DCAF6: variants seen among roughly 807,000 people sequenced by gnomAD.
DCAF6 encodes DDB1 and CUL4 associated factor 6.
DCAF6 carries 54 observed loss-of-function variants against 125.1 expected under a neutral mutation model. The ratio of observed to expected loss-of-function variants is 0.43; its 90% CI spans 0.35 to 0.54. The LOEUF is 0.54. Ranked by LOEUF, DCAF6 falls within the 20% of genes least tolerant of loss-of-function variation. The probability of loss-of-function intolerance (pLI) is 0.01; values close to 1 mark genes in which losing one functional copy is unlikely to be tolerated. For synonymous variants in DCAF6, 371 were observed against 390.4 expected (o/e 0.95, Z 0.58); for missense variants, 934 against 1,161.7 (o/e 0.80, Z 2.85).
chr1:167,980,608 A>G (rs1005128882), intron 4 of DCAF6, among the ~76,000 whole-genome samples: 1 of 151,970 alleles, frequency 6.6e-6, no homozygotes, highest in African/African-American at 2.4e-5. Context: ...CCATCTGTGT[A>G]TCTTCTTTGG....
At position 168,063,004 on chromosome 1, in the gene DCAF6, C is replaced by T. The variant is rs184683352; in HGVS notation, c.2301-617C>T. Among the ~76,000 whole-genome samples, 338 of 151,512 alleles carry T rather than the reference C, an allele frequency of 2.2e-3. 2 individuals carry two copies. The highest frequency in any genetic ancestry group is 7.1e-3 in the African/African-American group (295 of 41,342). On this transcript the variant is annotated intron_variant, in intron 17 of 21. Transcript: ENST00000367840. ...TCGGCTCACTGCAAGCTCCGCCTCC[C>T]GGGTTCATGCCATTCTCCTGCCTCA...
chr1:167,935,949 C>A, upstream of DCAF6: 1 of 820,306 alleles, frequency 1.2e-6, no homozygotes, highest in Non-Finnish European at 2.0e-6. Flanking sequence ...GACTCGCGTC[C>A]GCCTCTCGCC....
the DCAF6 span, among the ~76,000 whole-genome samples, chr1:167,879,029 A>G: frequency 5.9e-5 from 9 of 152,158 alleles, no homozygotes; most frequent in African/African-American, 2.2e-4. Flanking sequence ...ATGAGACATA[A>G]AATTGTGTCT....
the DCAF6 span, among the ~76,000 whole-genome samples, chr1:167,879,042 A>G: frequency 1.0e-2 from 1,522 of 152,320 alleles, 12 homozygotes; most frequent in Middle Eastern, 0.031. Context: ...TTGTGTCTGC[A>G]TGCTCCTATG....
chr1:167,899,718 G>A, the DCAF6 span: 2 of 1,226,816 alleles, frequency 1.6e-6, no homozygotes, highest in Non-Finnish European at 2.3e-6. Context: ...AATCTTGGTG[G>A]GACTATACTA....
chr1:167,939,251 T>C (rs1047908189), intron 1 of DCAF6, among the ~76,000 whole-genome samples: 2 of 152,066 alleles, frequency 1.3e-5, no homozygotes, highest in East Asian at 3.8e-4. Flanking sequence ...TGGTTTTTTT[T>C]AAAAAATGAC....
intron 13 of DCAF6, 80 bp from the exon 14 acceptor site, chr1:168,042,945 C>G: frequency 4.9e-6 from 5 of 1,017,090 alleles, no homozygotes; most frequent in Non-Finnish European, 7.2e-6. Flanking sequence ...GTCTACCTTT[C>G]TAGTTGTAAA....
intron 4 of DCAF6, among the ~76,000 whole-genome samples, chr1:167,976,433 C>T (rs146834576): frequency 1.3e-5 from 2 of 152,290 alleles, no homozygotes; most frequent in Middle Eastern, 3.4e-3. Flanking sequence ...GACTGCGCTA[C>T]TGTACTCCAA....
At chr1:167,913,774 G>A in the DCAF6 span, among the ~76,000 whole-genome samples, 66 of 152,280 alleles carry the variant, frequency 4.3e-4, no homozygotes, top group African/African-American at 1.5e-3. Context: ...GAGCATCCAG[G>A]TTGAGAAGGT....
chr1:168,061,995 C>CGACA, intron 17 of DCAF6, among the ~76,000 whole-genome samples: 1 of 151,972 alleles, frequency 6.6e-6, no homozygotes, highest in Admixed American at 6.6e-5. Context: ...TCAAAAATGT[C>CGACA]GACAACCCAA....
At chr1:168,054,149 A>G (rs113566973) in intron 17 of DCAF6, among the ~76,000 whole-genome samples, 2,059 of 152,276 alleles carry the variant, frequency 0.014, 46 homozygotes, top group African/African-American at 0.048. Context: ...CTAACATACT[A>G]ATAGTATCTT....
Position 167,966,733 on chromosome 1 carries a change from T to A in DCAF6, c.252+12T>A. The A allele has an allele frequency of 6.7e-7, 1 of 1,482,360 alleles. No homozygotes were observed. The highest frequency in any genetic ancestry group is 9.3e-7 in the Non-Finnish European group (1 of 1,075,442). The allele number at this position is 1,482,360 out of a possible 1,614,324, so 91.8% of individuals were successfully genotyped here. ...CTTACAGCAGAAAGGTAAAGTAGTT[T>A]AAAAAATCTGTAATTTAATGAGAGA... On this transcript the variant is annotated intron_variant, in intron 3 of 21. Coordinates refer to ENST00000367840, the MANE Select transcript of DCAF6 (RefSeq NM_001198956.2).
At chr1:167,896,527 C>G in the DCAF6 span, 1 of 1,254,364 alleles carries the variant, frequency 8.0e-7, no homozygotes, top group Non-Finnish European at 1.2e-6. Flanking sequence ...ATGAAGCTGT[C>G]GGCATTGATA....
At chr1:167,937,885 G>C (rs1482112565) in intron 1 of DCAF6, among the ~76,000 whole-genome samples, 1 of 151,990 alleles carries the variant, frequency 6.6e-6, no homozygotes, top group East Asian at 1.9e-4. Context: ...TGGAGATACG[G>C]CAAACAACAT....
intron 4 of DCAF6, 140 bp downstream of exon 4, chr1:167,975,155 C>T: frequency 2.1e-6 from 1 of 470,700 alleles, no homozygotes; most frequent in Non-Finnish European, 3.6e-6. Flanking sequence ...TTGACAATAT[C>T]TAGGTGTCAG....
chr1:167,875,378 G>T, the DCAF6 span, among the ~76,000 whole-genome samples: 1 of 152,178 alleles, frequency 6.6e-6, no homozygotes, highest in East Asian at 1.9e-4. Context: ...AGAATCCAAA[G>T]AACTCAGGTA....
chr1:167,945,492 T>C (rs765062003), intron 1 of DCAF6, among the ~76,000 whole-genome samples: 50 of 152,218 alleles, frequency 3.3e-4, no homozygotes, highest in South Asian at 1.7e-3. Context: ...TAATTTCTTT[T>C]TTCTTTTTTT....
chr1:167,882,508 C>T, the DCAF6 span, among the ~76,000 whole-genome samples: 2 of 127,918 alleles, frequency 1.6e-5, no homozygotes, highest in Non-Finnish European at 3.4e-5. Context: ...AAAAAAAGAA[C>T]AGAGCGAAAA....
At chr1:168,008,309 T>C (rs929065966) in intron 10 of DCAF6, among the ~76,000 whole-genome samples, 1 of 152,166 alleles carries the variant, frequency 6.6e-6, no homozygotes, top group Non-Finnish European at 1.5e-5. Flanking sequence ...AAACTAAAAC[T>C]TAATGCAGCC....
Sources: gnomAD v4.1 joint callset for allele counts (sites outside exome capture counted in the v4.1 genomes callset) on GRCh38, gnomAD v4.1.1 for gene constraint, MANE v1.5 for transcripts, NCBI Gene and HGNC (gene_info 2026-07-23, HGNC 2026-07-21) for gene names.